OSBPL10: variants seen among roughly 807,000 people sequenced by gnomAD.
OSBPL10 encodes the protein oxysterol binding protein like 10, also known as oxysterol-binding protein-related protein 10.
In OSBPL10, 49 loss-of-function variants were observed where a neutral mutation model predicts 81.7. The ratio of observed to expected loss-of-function variants is 0.60; its 90% confidence interval spans 0.48 to 0.76. The LOEUF is 0.76. OSBPL10 is among the 30% of genes least tolerant of loss of function. The pLI, the probability that OSBPL10 is intolerant of heterozygous loss-of-function variation, is 0.00. For synonymous variants in OSBPL10, 419 were observed against 383.6 expected (o/e 1.09, Z -1.08); for missense variants, 923 against 987.8 (o/e 0.93, Z 0.88).
chr3:31,970,528 T>C (rs1698528914), intron 1 of OSBPL10, among the ~76,000 whole-genome samples: 1 of 152,164 alleles, frequency 6.6e-6, no homozygotes. Flanking sequence ...ACCATCCTAG[T>C]TGCAAGGAGG....
intron 1 of OSBPL10, among the ~76,000 whole-genome samples, chr3:31,937,545 C>T (rs1302163642): frequency 6.6e-6 from 1 of 152,112 alleles, no homozygotes; most frequent in Non-Finnish European, 1.5e-5. Flanking sequence ...AATACAGCCA[C>T]TCACCCCCAT....
intron 1 of OSBPL10, among the ~76,000 whole-genome samples, chr3:31,975,163 ATTATAC>A (rs1215151965): frequency 5.3e-5 from 8 of 152,206 alleles, no homozygotes; most frequent in African/African-American, 1.9e-4. Flanking sequence ...AATAAACAAT[ATTATAC>A]AGTGTTTTGT....
chr3:31,762,183 A>G (rs957857554), intron 4 of OSBPL10, among the ~76,000 whole-genome samples: 3 of 152,194 alleles, frequency 2.0e-5, no homozygotes, highest in Non-Finnish European at 4.4e-5. Context: ...AAGCTTATCT[A>G]AAGCTCAAGG....
Position 31,876,496 on chromosome 3 carries a change from C to A in OSBPL10, c.474G>T (p.Glu158Asp). Residue 158 changes from glutamate (E) to aspartate (D), a missense_variant, in exon 3 of 12, where the codon GAG becomes GAT. Transcript: ENST00000396556. ...GAAGCTGAGTCACCCAGAATTGTTT[C>A]TCTTTTGCATCAGCAGCTAAAATAG... ...MFKLRAADAK[E>D]KQFWVTQLRA... 1 of 1,613,302 alleles carries A rather than the reference C, an allele frequency of 6.2e-7. No individual in the cohort carries two copies. The highest frequency in any genetic ancestry group is 1.1e-5 in the South Asian group (1 of 91,064).
chr3:32,054,674 G>A (rs552910925), intron 1 of OSBPL10, among the ~76,000 whole-genome samples: 1 of 151,978 alleles, frequency 6.6e-6, no homozygotes, highest in East Asian at 1.9e-4. Context: ...TGGGATTACG[G>A]GGGCGGGCCA....
chr3:32,044,407 T>C (rs1268988733), intron 2 of OSBPL10, among the ~76,000 whole-genome samples: 1 of 148,792 alleles, frequency 6.7e-6, no homozygotes, highest in Non-Finnish European at 1.5e-5. Flanking sequence ...TATAACATAA[T>C]TTAAAAAAAT....
chr3:31,757,092 A>G (rs1697909370), intron 4 of OSBPL10, among the ~76,000 whole-genome samples: 1 of 152,214 alleles, frequency 6.6e-6, no homozygotes, highest in Admixed American at 6.5e-5. Flanking sequence ...CCAAATAAAC[A>G]TGAGGGTTTT....
intron 4 of OSBPL10, among the ~76,000 whole-genome samples, chr3:31,826,494 C>A (rs1344398547): frequency 1.3e-5 from 2 of 152,106 alleles, no homozygotes; most frequent in Non-Finnish European, 2.9e-5. Flanking sequence ...TTATTTTCAC[C>A]AATGCTGTAG....
At chr3:32,030,281 C>T (rs1333549925) in intron 2 of OSBPL10, 4 of 402,580 alleles carry the variant, frequency 9.9e-6, no homozygotes, top group South Asian at 6.9e-5. Flanking sequence ...CCTTTGGCCA[C>T]GTGTATGCGA....
chr3:31,763,655 T>C (rs983148878), intron 4 of OSBPL10, among the ~76,000 whole-genome samples: 9 of 152,164 alleles, frequency 5.9e-5, no homozygotes, highest in African/African-American at 1.9e-4. Flanking sequence ...TGTTTTTAGA[T>C]CAAATAGCCA....
At chr3:31,813,621 A>G (rs867269776) in intron 4 of OSBPL10, among the ~76,000 whole-genome samples, 2 of 152,296 alleles carry the variant, frequency 1.3e-5, no homozygotes, top group Middle Eastern at 3.4e-3. Context: ...CCCTGTCACT[A>G]TCTAGAAATG....
rs753109840 is a variant in OSBPL10, at chr3:31,670,977, A to G, written c.1733T>C (p.Leu578Ser). The change falls in exon 9 of 12, where the codon TTG (leucine) becomes TCG (serine). Residue 578 changes from leucine to serine, a missense_variant. Leu to Ser is a moderately radical substitution (Grantham distance 145, BLOSUM62 -2). Transcript: ENST00000396556. ...CTCCTCCCCGTGTTCCAGGAGCCTC[A>G]ACACACCTCCAGGGAGAGAGGAGGG... ...VGVSMIGEGVLRLLEHGEEYV... is the reference protein window; with the variant it reads ...VGVSMIGEGVSRLLEHGEEYV... The G allele has an allele frequency of 6.2e-7, 1 of 1,611,610 alleles. No individual in the cohort carries two copies. The highest frequency in any genetic ancestry group is 8.5e-7 in the Non-Finnish European group (1 of 1,178,600).
At chr3:31,801,831 T>G (rs1045170866) in intron 4 of OSBPL10, among the ~76,000 whole-genome samples, 3 of 151,888 alleles carry the variant, frequency 2.0e-5, no homozygotes, top group Non-Finnish European at 2.9e-5. Context: ...TTTTGTTGTT[T>G]TTTTTTTTAA....
At chr3:31,701,197 T>G (rs1207132528) in intron 7 of OSBPL10, among the ~76,000 whole-genome samples, 3 of 152,204 alleles carry the variant, frequency 2.0e-5, no homozygotes, top group Non-Finnish European at 2.9e-5. Context: ...TCCCTCTCTC[T>G]TCTCTTGCCC....
intron 7 of OSBPL10, among the ~76,000 whole-genome samples, chr3:31,687,614 G>A (rs182838895): frequency 0.014 from 2,024 of 145,722 alleles, 16 homozygotes; most frequent in Non-Finnish European, 0.021. Context: ...CCCAGTGGCC[G>A]AGCCAGCAGG....
chr3:32,070,231 C>G (rs922098260), intron 1 of OSBPL10, among the ~76,000 whole-genome samples: 2 of 152,124 alleles, frequency 1.3e-5, no homozygotes, highest in African/African-American at 4.8e-5. Flanking sequence ...TTTCCTTGCC[C>G]CCATAACTGT....
chr3:31,801,685 C>T (rs1699383919), intron 4 of OSBPL10, among the ~76,000 whole-genome samples: 1 of 152,188 alleles, frequency 6.6e-6, no homozygotes, highest in Non-Finnish European at 1.5e-5. Flanking sequence ...GTGTCCATTG[C>T]AAGGAAAGAA....
intron 1 of OSBPL10, among the ~76,000 whole-genome samples, chr3:31,897,900 A>T (rs4635746): frequency 6.7e-6 from 1 of 150,326 alleles, no homozygotes; most frequent in African/African-American, 2.4e-5. Flanking sequence ...CCCAGCTACT[A>T]GGGAGGCTGA....
intron 6 of OSBPL10, chr3:31,707,520 G>A (rs1237382288): frequency 6.6e-6 from 1 of 152,164 alleles, no homozygotes; most frequent in Non-Finnish European, 1.5e-5. Context: ...GAGGCACTGG[G>A]GTGAACTGAG....
Sources: allele counts gnomAD v4.1 joint callset (sites outside exome capture counted in the v4.1 genomes callset), GRCh38; gene constraint gnomAD v4.1.1; transcripts MANE v1.5; gene names NCBI Gene and HGNC (gene_info 2026-07-23, HGNC 2026-07-21).